Variants in PRKG1 observed in about 807,000 individuals in gnomAD.
PRKG1 encodes the protein cGMP-dependent protein kinase 1.
A neutral mutation model predicts 88.1 loss-of-function variants in PRKG1; 35 were observed. The ratio of observed to expected loss-of-function variants is 0.40; its 90% CI spans 0.30 to 0.53. PRKG1 has a LOEUF of 0.53. Among genes scored for constraint, PRKG1 ranks in the 20% least tolerant of loss-of-function variants. PRKG1 has a pLI of 0.59. For synonymous variants in PRKG1, 303 were observed against 292.5 expected, an observed-to-expected ratio of 1.04 and a Z score of -0.37; for missense variants, 540 against 839.8, an observed-to-expected ratio of 0.64 and a Z score of 4.41.
chr10:51,980,010 G>T (rs745889123), intron 5 of PRKG1, among the ~76,000 whole-genome samples: 42 of 151,938 alleles, frequency 2.8e-4, no homozygotes, highest in Middle Eastern at 3.2e-3. Context: ...ATTATTTCTT[G>T]TCTTCTGCTG....
At chr10:51,938,117 A>T (rs1198066260) in intron 5 of PRKG1, among the ~76,000 whole-genome samples, 1 of 152,118 alleles carries the variant, frequency 6.6e-6, no homozygotes, top group East Asian at 1.9e-4. Flanking sequence ...TACAATGTTC[A>T]TGATGCCTAT....
At chr10:51,560,982 C>T (rs1173793367) in intron 3 of PRKG1, among the ~76,000 whole-genome samples, 3 of 151,784 alleles carry the variant, frequency 2.0e-5, no homozygotes, top group Non-Finnish European at 2.9e-5. Context: ...CAAGGTGGCT[C>T]ATGCCTGTAA....
Position 52,096,840 on chromosome 10 carries a change from G to C in PRKG1, c.935+34209G>C, listed in dbSNP as rs981939984. Among the ~76,000 whole-genome samples the C allele has an allele frequency of 2.5e-4, 38 of 151,992 alleles. 1 individual carries two copies. Among genetic ancestry groups the C allele is most frequent in the Middle Eastern group, 3.2e-3 (1 of 316 alleles). The stretch of plus-strand genomic sequence containing the variant: ...ATTTAATACCTAGGAAGGCAAATTG[G>C]ATTTATTATGGATTCTACTACAATG... On this transcript the variant is annotated intron_variant, in intron 7 of 17. Transcript: ENST00000373980.
chr10:52,248,158 TC>T (rs1439459680), intron 9 of PRKG1, among the ~76,000 whole-genome samples: 1 of 152,182 alleles, frequency 6.6e-6, no homozygotes, highest in Non-Finnish European at 1.5e-5. Flanking sequence ...GGCCAGGTGT[TC>T]CTGGCCCTCA....
chr10:52,017,540 C>T (rs984643704), intron 5 of PRKG1, among the ~76,000 whole-genome samples: 58 of 152,074 alleles, frequency 3.8e-4, no homozygotes, highest in African/African-American at 1.4e-3. Flanking sequence ...CTTGGTGATT[C>T]CAAGGTTTTG....
chr10:52,031,647 G>A (rs554919870), intron 5 of PRKG1, among the ~76,000 whole-genome samples: 57 of 152,240 alleles, frequency 3.7e-4, no homozygotes, highest in African/African-American at 1.3e-3. Flanking sequence ...CAAATATTTG[G>A]TTATGCGTTC....
chr10:51,917,051 C>T (rs931564735), intron 5 of PRKG1, among the ~76,000 whole-genome samples: 3 of 152,030 alleles, frequency 2.0e-5, no homozygotes, highest in African/African-American at 7.3e-5. Context: ...GGCACGGTGG[C>T]TCATGCTTAT....
chr10:51,377,770 G>T (rs1842845770), intron 2 of PRKG1, among the ~76,000 whole-genome samples: 1 of 152,218 alleles, frequency 6.6e-6, no homozygotes, highest in African/African-American at 2.4e-5. Context: ...TTCATTAGAA[G>T]AGGTATTGGA....
chr10:52,168,712 A>T (rs540350021), intron 9 of PRKG1, among the ~76,000 whole-genome samples: 2 of 152,286 alleles, frequency 1.3e-5, no homozygotes, highest in South Asian at 2.1e-4. Context: ...GATTTAAAAA[A>T]AAAAAAAGCA....
At chr10:51,213,696 A>C (rs1298841253) in intron 2 of PRKG1, among the ~76,000 whole-genome samples, 2 of 152,212 alleles carry the variant, frequency 1.3e-5, no homozygotes, top group Non-Finnish European at 2.9e-5. Flanking sequence ...AAGATAATAT[A>C]ACTTATTTTA....
chr10:51,731,203 A>G (rs1378950893), intron 3 of PRKG1, among the ~76,000 whole-genome samples: 1 of 152,180 alleles, frequency 6.6e-6, no homozygotes, highest in East Asian at 1.9e-4. Context: ...ATAAGGTCTT[A>G]TATTGAGAAC....
At chr10:51,507,016 C>T (rs1369908051) in intron 3 of PRKG1, among the ~76,000 whole-genome samples, 1 of 152,024 alleles carries the variant, frequency 6.6e-6, no homozygotes, top group Non-Finnish European at 1.5e-5. Context: ...ATGGATGAAG[C>T]TGGAAACCAT....
chr10:51,836,652 C>A (rs749547109), intron 4 of PRKG1, among the ~76,000 whole-genome samples: 90 of 152,012 alleles, frequency 5.9e-4, no homozygotes, highest in Admixed American at 9.8e-4. Flanking sequence ...TATACACTAT[C>A]CAAAATATAC....
At chr10:51,557,332 G>A (rs144549028) in intron 3 of PRKG1, among the ~76,000 whole-genome samples, 16 of 138,530 alleles carry the variant, frequency 1.2e-4, no homozygotes, top group East Asian at 1.2e-3. Flanking sequence ...TCTGGGCACC[G>A]GCATACACCA....
At chr10:51,011,331 C>T (rs1842991465) in intron 1 of PRKG1, among the ~76,000 whole-genome samples, 2 of 152,044 alleles carry the variant, frequency 1.3e-5, no homozygotes, top group African/African-American at 4.8e-5. Flanking sequence ...AGTAACAGCC[C>T]TCCTGACCAC....
At chr10:51,367,680 T>G (rs946153423) in intron 2 of PRKG1, among the ~76,000 whole-genome samples, 1 of 151,980 alleles carries the variant, frequency 6.6e-6, no homozygotes, top group Non-Finnish European at 1.5e-5. Flanking sequence ...TGCTTATTTT[T>G]GGAGTAGAAG....
chr10:51,701,534 G>A (rs1841466442), intron 3 of PRKG1, among the ~76,000 whole-genome samples: 1 of 152,182 alleles, frequency 6.6e-6, no homozygotes, highest in South Asian at 2.1e-4. Context: ...TCACCTGCTA[G>A]CAATGTTTCC....
chr10:52,073,165 C>T (rs1288553258), intron 7 of PRKG1, among the ~76,000 whole-genome samples: 2 of 152,144 alleles, frequency 1.3e-5, no homozygotes, highest in East Asian at 3.9e-4. Context: ...TTTCCCTCTG[C>T]GTGTGCCTCT....
chr10:51,985,808 C>T (rs1844140836), intron 5 of PRKG1, among the ~76,000 whole-genome samples: 1 of 152,044 alleles, frequency 6.6e-6, no homozygotes, highest in Admixed American at 6.6e-5. Context: ...TCAGTTTGGG[C>T]TGCTATAACA....
Sources: allele counts gnomAD v4.1 joint callset (sites outside exome capture counted in the v4.1 genomes callset), GRCh38; gene constraint gnomAD v4.1.1; transcripts MANE v1.5; gene names NCBI Gene and HGNC (gene_info 2026-07-23, HGNC 2026-07-21).